The following RGS6 variants were observed in gnomAD, a reference collection of about 807,000 sequenced individuals.
The protein encoded by RGS6 is regulator of G protein signaling 6, also known as regulator of G-protein signaling 6.
A neutral mutation model predicts 78.5 loss-of-function variants in RGS6; 30 were observed. The observed-to-expected ratio is 0.38, with a 90% CI of 0.29 to 0.52. The LOEUF (loss-of-function observed/expected upper bound fraction) is 0.52. Among genes scored for constraint, RGS6 ranks in the 20% least tolerant of loss-of-function variants. The pLI, the probability that RGS6 is intolerant of heterozygous loss-of-function variation, is 0.85. For synonymous variants in RGS6, 206 were observed against 206.0 expected, an observed-to-expected ratio of 1.00 and a Z score of 0.00; for missense variants, 495 against 609.7, an observed-to-expected ratio of 0.81 and a Z score of 1.98.
At chr14:71,956,301 TTAG>T (rs2092779906) in intron 1 of RGS6, among the ~76,000 whole-genome samples, 1 of 151,886 alleles carries the variant, frequency 6.6e-6, no homozygotes, top group Non-Finnish European at 1.5e-5. Flanking sequence ...AGGGGGTGTA[TTAG>T]TGTTCCCTAG....
At chr14:72,482,321 T>G (rs919623469) in intron 12 of RGS6, among the ~76,000 whole-genome samples, 1 of 152,152 alleles carries the variant, frequency 6.6e-6, no homozygotes, top group Non-Finnish European at 1.5e-5. Context: ...ATTCTTTGAA[T>G]TCCTGTTTCT....
chr14:72,296,614 A>G (rs1173035515), intron 2 of RGS6, among the ~76,000 whole-genome samples: 1 of 152,174 alleles, frequency 6.6e-6, no homozygotes, highest in Non-Finnish European at 1.5e-5. Context: ...CTATTCACCT[A>G]TCTTTTGTCA....
At chr14:72,236,584 G>A (rs2051105353) in intron 2 of RGS6, among the ~76,000 whole-genome samples, 1 of 151,812 alleles carries the variant, frequency 6.6e-6, no homozygotes, top group African/African-American at 2.4e-5. Context: ...CAAACTTGGG[G>A]AAGGCAGAAA....
chr14:72,273,087 G>A lies in RGS6; in HGVS notation c.85-79008G>A, dbSNP rs954201270. 1.6e-4 allele frequency among the ~76,000 whole-genome samples: 24 copies of A among 151,318 alleles called. 2 individuals are homozygous for A. In the East Asian group the frequency reaches 4.1e-3, roughly 26 times the overall value. On this transcript the variant is annotated intron_variant, in intron 2 of 17. Coordinates refer to ENST00000553525, the MANE Select transcript of RGS6 (RefSeq NM_001204424.2). Reference sequence around the variant, plus strand: ...GTGGAGGTTGCAGTGAGCTGAGGCCGTGCCATTGCACTCCAGCCTCGGCTA... The same window carrying A: ...GTGGAGGTTGCAGTGAGCTGAGGCCATGCCATTGCACTCCAGCCTCGGCTA...
intron 2 of RGS6, among the ~76,000 whole-genome samples, chr14:72,031,950 A>T (rs1367032915): frequency 1.3e-5 from 2 of 152,212 alleles, no homozygotes; most frequent in African/African-American, 2.4e-5. Flanking sequence ...AATAATGCTG[A>T]AATGGACATT....
chr14:72,238,352 T>G (rs572485189), intron 2 of RGS6, among the ~76,000 whole-genome samples: 1 of 152,260 alleles, frequency 6.6e-6, no homozygotes, highest in South Asian at 2.1e-4. Flanking sequence ...GGCTGTGGTT[T>G]CCAGGCTTGA....
intron 2 of RGS6, among the ~76,000 whole-genome samples, chr14:72,097,613 A>T (rs1182230278): frequency 6.6e-6 from 1 of 152,140 alleles, no homozygotes; most frequent in Admixed American, 6.6e-5. Flanking sequence ...GTTGCTGTAA[A>T]CTACTAGTTT....
At chr14:71,942,495 A>G (rs1423487839) in intron 1 of RGS6, among the ~76,000 whole-genome samples, 3 of 152,130 alleles carry the variant, frequency 2.0e-5, no homozygotes, top group Non-Finnish European at 2.9e-5. Context: ...ACCATTCTAT[A>G]AGATAGGTCC....
intron 2 of RGS6, among the ~76,000 whole-genome samples, chr14:72,305,022 G>A (rs2066927144): frequency 6.6e-6 from 1 of 152,140 alleles, no homozygotes; most frequent in African/African-American, 2.4e-5. Flanking sequence ...TCTGATCTTG[G>A]CCAAGGGGAG....
At chr14:72,245,462 A>G (rs1412224113) in intron 2 of RGS6, among the ~76,000 whole-genome samples, 1 of 152,208 alleles carries the variant, frequency 6.6e-6, no homozygotes, top group Non-Finnish European at 1.5e-5. Context: ...CCCTTAAGGG[A>G]AAGGAAGGGA....
chr14:71,983,253 G>A (rs1213395060), intron 2 of RGS6, among the ~76,000 whole-genome samples: 1 of 152,038 alleles, frequency 6.6e-6, no homozygotes, highest in African/African-American at 2.4e-5. Flanking sequence ...CTGGACAGAG[G>A]GAATAAATCC....
chr14:72,250,570 T>C (rs2055485966), intron 2 of RGS6, among the ~76,000 whole-genome samples: 1 of 151,606 alleles, frequency 6.6e-6, no homozygotes, highest in African/African-American at 2.4e-5. Flanking sequence ...TTATTTGGCC[T>C]TGGAGAATAA....
chr14:72,629,967 C>A, the RGS6 span, among the ~76,000 whole-genome samples: 1 of 152,118 alleles, frequency 6.6e-6, no homozygotes, highest in Non-Finnish European at 1.5e-5. Flanking sequence ...TGCACTGAGA[C>A]CATATTCCCC....
chr14:72,305,820 G>T (rs985890059), intron 2 of RGS6, among the ~76,000 whole-genome samples: 1 of 152,188 alleles, frequency 6.6e-6, no homozygotes, highest in African/African-American at 2.4e-5. Flanking sequence ...TTAAAAGCTA[G>T]AAATGACTAA....
intron 8 of RGS6, among the ~76,000 whole-genome samples, chr14:72,471,959 G>A (rs1053491287): frequency 1.3e-5 from 2 of 152,108 alleles, no homozygotes; most frequent in Non-Finnish European, 2.9e-5. Flanking sequence ...GGTATTTCTC[G>A]ATTAACTTTT....
the RGS6 span, among the ~76,000 whole-genome samples, chr14:72,609,772 G>C: frequency 3.9e-5 from 6 of 152,126 alleles, no homozygotes; most frequent in African/African-American, 1.4e-4. Flanking sequence ...GAGAAGCCAG[G>C]GTGGGCCAAA....
intron 2 of RGS6, among the ~76,000 whole-genome samples, chr14:72,312,618 G>T (rs1005936612): frequency 6.6e-6 from 1 of 152,274 alleles, no homozygotes; most frequent in South Asian, 2.1e-4. Flanking sequence ...ACATAGTTAT[G>T]CGTAGGAGTA....
At chr14:72,436,311 A>G (rs189439417) in intron 3 of RGS6, among the ~76,000 whole-genome samples, 36 of 152,028 alleles carry the variant, frequency 2.4e-4, no homozygotes, top group African/African-American at 8.0e-4. Context: ...TCAATCCCTT[A>G]AAACTATACA....
At chr14:71,906,491 T>C in the RGS6 span, among the ~76,000 whole-genome samples, 1 of 152,162 alleles carries the variant, frequency 6.6e-6, no homozygotes. Flanking sequence ...GGAGGGCCCG[T>C]TGCTGGTCTC....
Sources: gnomAD v4.1 joint callset for allele counts (sites outside exome capture counted in the v4.1 genomes callset) on GRCh38, gnomAD v4.1.1 for gene constraint, MANE v1.5 for transcripts, NCBI Gene and HGNC (gene_info 2026-07-23, HGNC 2026-07-21) for gene names.